SOX6: variants seen among roughly 807,000 people sequenced by gnomAD.
SOX6 encodes SRY-box transcription factor 6.
A neutral mutation model predicts 97.8 loss-of-function variants in SOX6; 11 were observed. The ratio of observed to expected loss-of-function variants is 0.11; its 90% CI spans 0.07 to 0.19. The LOEUF is 0.19. Among genes scored for constraint, SOX6 ranks in the 10% least tolerant of loss-of-function variants. The pLI is 1.00. For synonymous variants in SOX6, 360 were observed against 371.4 expected (o/e 0.97, Z 0.35); for missense variants, 810 against 1,039.5 (o/e 0.78, Z 3.04).
chr11:16,387,386 T>C (rs1269524762), intron 1 of SOX6, among the ~76,000 whole-genome samples: 1 of 152,040 alleles, frequency 6.6e-6, no homozygotes, highest in Non-Finnish European at 1.5e-5. Context: ...TTGCAAAAGA[T>C]GCAAGATTTC....
intron 3 of SOX6, among the ~76,000 whole-genome samples, chr11:16,291,363 GAATA>G (rs138094110): frequency 5.0e-4 from 74 of 148,126 alleles, no homozygotes; most frequent in South Asian, 4.3e-3. Flanking sequence ...TATAATGAAT[GAATA>G]AATAAATAAA....
At chr11:16,306,841 G>C (rs1391102548) in intron 3 of SOX6, among the ~76,000 whole-genome samples, 1 of 151,806 alleles carries the variant, frequency 6.6e-6, no homozygotes, top group Non-Finnish European at 1.5e-5. Context: ...GGTCAGGATG[G>C]TCTCGATCTC....
At chr11:16,106,069 G>GA (rs1204855872) in intron 7 of SOX6, among the ~76,000 whole-genome samples, 4 of 151,980 alleles carry the variant, frequency 2.6e-5, no homozygotes, top group African/African-American at 9.7e-5. Context: ...TAAATAAATG[G>GA]AAAAGCATCT....
intron 1 of SOX6, among the ~76,000 whole-genome samples, chr11:16,368,621 A>T (rs1857422268): frequency 6.6e-6 from 1 of 152,186 alleles, no homozygotes; most frequent in African/African-American, 2.4e-5. Context: ...AAAATGAATC[A>T]AAAACAAAAG....
chr11:16,270,224 T>G (rs910620409), intron 3 of SOX6, among the ~76,000 whole-genome samples: 3 of 151,364 alleles, frequency 2.0e-5, no homozygotes, highest in Non-Finnish European at 4.4e-5. Context: ...ATGGCCAAGA[T>G]GCACATGAAA....
intron 1 of SOX6, among the ~76,000 whole-genome samples, chr11:16,355,793 T>C (rs1219654424): frequency 6.6e-6 from 1 of 151,984 alleles, no homozygotes; most frequent in Admixed American, 6.6e-5. Context: ...CTCAGGACCT[T>C]AGATTATACA....
intron 4 of SOX6, among the ~76,000 whole-genome samples, chr11:16,580,923 G>A (rs550994752): frequency 1.6e-4 from 24 of 151,974 alleles, no homozygotes; most frequent in African/African-American, 5.5e-4. Flanking sequence ...ACAGAATAGC[G>A]ATTATTAAAA....
chr11:16,347,461 C>A (rs1022388992), intron 1 of SOX6, among the ~76,000 whole-genome samples: 15 of 152,112 alleles, frequency 9.9e-5, no homozygotes, highest in African/African-American at 3.6e-4. Flanking sequence ...GGATTTTAAT[C>A]TAGCACAATG....
chr11:16,322,921 T>A (rs750275585), intron 2 of SOX6, among the ~76,000 whole-genome samples: 22 of 152,218 alleles, frequency 1.4e-4, no homozygotes, highest in Non-Finnish European at 2.5e-4. Flanking sequence ...TCTCTTCTTT[T>A]GATTTTTCTT....
intron 3 of SOX6, among the ~76,000 whole-genome samples, chr11:16,674,129 G>C (rs1420759011): frequency 6.9e-6 from 1 of 144,810 alleles, no homozygotes; most frequent in East Asian, 2.1e-4. Context: ...GGTGGAGCTT[G>C]CAGTGAGTCG....
At chr11:16,708,554 G>A (rs903773076) in intron 3 of SOX6, among the ~76,000 whole-genome samples, 1 of 152,080 alleles carries the variant, frequency 6.6e-6, no homozygotes, top group Non-Finnish European at 1.5e-5. Flanking sequence ...TTGTTCAATT[G>A]AGGAAGTATT....
chr11:16,313,693 T>C (rs558990476), intron 3 of SOX6: 1 of 152,180 alleles, frequency 6.6e-6, no homozygotes, highest in South Asian at 2.1e-4. Flanking sequence ...ATGCTCCAAG[T>C]AGATAATCAA....
intron 13 of SOX6, among the ~76,000 whole-genome samples, chr11:15,993,370 G>A (rs1854113019): frequency 6.6e-6 from 1 of 152,122 alleles, no homozygotes; most frequent in South Asian, 2.1e-4. Context: ...AACTTGGAAT[G>A]GCTCATAATT....
chr11:16,234,467 A>G (rs948210142), intron 4 of SOX6, 115 bp downstream of exon 4: 3 of 673,390 alleles, frequency 4.5e-6, no homozygotes, highest in Non-Finnish European at 7.9e-6. Flanking sequence ...CTCATGTACA[A>G]TCAAATGTTA....
At chr11:16,680,617 T>C (rs1445201871) in intron 3 of SOX6, among the ~76,000 whole-genome samples, 2 of 152,192 alleles carry the variant, frequency 1.3e-5, no homozygotes, top group Non-Finnish European at 2.9e-5. Context: ...AATATTAACC[T>C]TAAATGTAAA....
chr11:16,230,795 G>C (rs1248098378), intron 4 of SOX6, among the ~76,000 whole-genome samples: 3 of 151,494 alleles, frequency 2.0e-5, no homozygotes, highest in Non-Finnish European at 4.4e-5. Flanking sequence ...ACTTTTGAAG[G>C]ATACTAAAGT....
chr11:16,592,295 A>C (rs1589998438), intron 4 of SOX6, among the ~76,000 whole-genome samples: 1 of 148,942 alleles, frequency 6.7e-6, no homozygotes, highest in East Asian at 1.9e-4. Flanking sequence ...AGCTGCATTT[A>C]GGCTATCTAG....
intron 6 of SOX6, among the ~76,000 whole-genome samples, chr11:16,118,187 A>C (rs558380214): frequency 3.3e-4 from 51 of 152,364 alleles, no homozygotes; most frequent in African/African-American, 1.2e-3. Context: ...AAGTAACCGG[A>C]AACCCCATCA....
intron 13 of SOX6, among the ~76,000 whole-genome samples, chr11:15,993,318 T>C (rs1854111783): frequency 6.6e-6 from 1 of 152,200 alleles, no homozygotes; most frequent in Admixed American, 6.5e-5. Context: ...AAAAACCAAG[T>C]ATTTCATTCT....
Sources: allele counts gnomAD v4.1 joint callset (sites outside exome capture counted in the v4.1 genomes callset), GRCh38; gene constraint gnomAD v4.1.1; transcripts MANE v1.5; gene names NCBI Gene and HGNC (gene_info 2026-07-23, HGNC 2026-07-21).